ZBTB20: variants seen among roughly 807,000 people sequenced by gnomAD.
The protein encoded by ZBTB20 is zinc finger and BTB domain containing 20.
Under a neutral mutation model 56.9 loss-of-function variants are expected in ZBTB20, and 9 were observed. The ratio of observed to expected loss-of-function variants is 0.16; its 90% confidence interval spans 0.10 to 0.28. ZBTB20 has a LOEUF of 0.28. Ranked by LOEUF, ZBTB20 falls within the 10% of genes least tolerant of loss-of-function variation. The pLI is 1.00. For synonymous variants in ZBTB20, 417 were observed against 420.7 expected (o/e 0.99, Z 0.11); for missense variants, 655 against 1,003.0 (o/e 0.65, Z 4.69).
intron 2 of ZBTB20, among the ~76,000 whole-genome samples, chr3:115,011,119 A>T (rs2079686061): frequency 6.6e-6 from 1 of 151,902 alleles, no homozygotes; most frequent in Admixed American, 6.6e-5. Context: ...AGACAAAAGA[A>T]AAAAGAATAA....
intron 1 of ZBTB20, among the ~76,000 whole-genome samples, chr3:115,113,294 CTT>C (rs2108630882): frequency 1.3e-5 from 2 of 152,294 alleles, no homozygotes; most frequent in East Asian, 3.9e-4. Context: ...TTATGTGTCT[CTT>C]GACTTCGATT....
At position 115,051,492 on chromosome 3, in the gene ZBTB20, T is replaced by C. The variant is rs564257726; in HGVS notation, c.-507+19727A>G. On this transcript the variant is annotated intron_variant, in intron 2 of 11. Coordinates refer to ENST00000675478, the MANE Select transcript of ZBTB20 (RefSeq NM_001348800.3). ...GGGACCAGGATTAATATTAAGAGGTTCTTTTTTAAATGAATACATAGGTAT... is the reference window on the plus strand; with the variant it reads ...GGGACCAGGATTAATATTAAGAGGTCCTTTTTTAAATGAATACATAGGTAT... Among the ~76,000 whole-genome samples, 389 of 152,244 alleles carry C rather than the reference T, an allele frequency of 2.6e-3. 2 individuals carry two copies. The highest frequency in any genetic ancestry group is 9.2e-3 in the African/African-American group (381 of 41,552).
chr3:114,360,358 T>TTTGAGAC (rs1383097873), intron 10 of ZBTB20, among the ~76,000 whole-genome samples: 3 of 150,562 alleles, frequency 2.0e-5, no homozygotes, highest in African/African-American at 4.9e-5. Context: ...TTTTTTTTTT[T>TTTGAGAC]TTTGAGACGG....
intron 4 of ZBTB20, chr3:114,876,236 G>A (rs1367179319): frequency 6.6e-6 from 1 of 151,340 alleles, no homozygotes; most frequent in African/African-American, 2.4e-5. Context: ...CTCATCACTT[G>A]AGCAGTATAC....
intron 4 of ZBTB20, among the ~76,000 whole-genome samples, chr3:114,878,127 T>G (rs557089454): frequency 3.0e-4 from 45 of 152,272 alleles, no homozygotes; most frequent in South Asian, 1.2e-3. Flanking sequence ...GGGGTCCAAG[T>G]TCCCTGAATC....
At chr3:114,953,001 T>C (rs560501093) in intron 3 of ZBTB20, among the ~76,000 whole-genome samples, 1 of 152,192 alleles carries the variant, frequency 6.6e-6, no homozygotes, top group Non-Finnish European at 1.5e-5. Flanking sequence ...TGTTTGACAA[T>C]TTAATGCAAA....
chr3:114,880,238 A>T (rs912374323), intron 4 of ZBTB20, among the ~76,000 whole-genome samples: 1 of 152,228 alleles, frequency 6.6e-6, no homozygotes, highest in Non-Finnish European at 1.5e-5. Context: ...AACTGTGCCA[A>T]GTTAGCACGC....
rs901382619 is a variant in ZBTB20 at position 115,079,911 on chromosome 3, G to A, written c.-702-8497C>T. Among the ~76,000 whole-genome samples the A allele has an allele frequency of 4.6e-5, 7 of 152,066 alleles. No individual in the cohort carries two copies. The East Asian group carries it at 1.3e-3, about 29-fold the overall frequency. On this transcript the variant is annotated intron_variant, in intron 1 of 11. Transcript: ENST00000675478. ...AAATAGAGTGCCTACAATGTGCTGGGGAAAATATTAGGTGTTTACGATATG... is the reference window on the plus strand; with the variant it reads ...AAATAGAGTGCCTACAATGTGCTGGAGAAAATATTAGGTGTTTACGATATG...
At chr3:114,948,002 T>C (rs1330443474) in intron 3 of ZBTB20, among the ~76,000 whole-genome samples, 1 of 145,426 alleles carries the variant, frequency 6.9e-6, no homozygotes, top group Non-Finnish European at 1.5e-5. Flanking sequence ...ACAAGAACAT[T>C]AAGAGAAGGT....
chr3:114,853,804 T>C (rs1173686460), intron 4 of ZBTB20, among the ~76,000 whole-genome samples: 1 of 152,210 alleles, frequency 6.6e-6, no homozygotes, highest in East Asian at 1.9e-4. Context: ...GGACCCCAAT[T>C]AGTATCTGTA....
At chr3:114,798,131 C>G (rs988876226) in intron 5 of ZBTB20, among the ~76,000 whole-genome samples, 1 of 151,574 alleles carries the variant, frequency 6.6e-6, no homozygotes, top group African/African-American at 2.4e-5. Flanking sequence ...TCGTACACAC[C>G]CTTGGGAAGT....
rs5851937 is a variant in ZBTB20 at position 114,798,349 on chromosome 3, CA to C, written c.-343+2751del. Among the ~76,000 whole-genome samples, 318 of 39,986 alleles carry C rather than the reference CA, an allele frequency of 8.0e-3. 1 individual carries two copies. The highest frequency in any genetic ancestry group is 0.011 in the African/African-American group (284 of 25,630). 26.2% of individuals were successfully genotyped at this position (39,986 alleles called of 152,430 possible). A position where few individuals can be genotyped will look rare whatever the true frequency, so the allele number is the denominator to read the frequency against. On this transcript the variant is annotated intron_variant, in intron 5 of 11. Coordinates refer to ENST00000675478, the MANE Select transcript of ZBTB20 (RefSeq NM_001348800.3). ...GGAACAAAATTAAAAAACAAAAAAACAAAAAAAAACACACAAAAAAACCTCT... is the reference window on the plus strand; with the variant it reads ...GGAACAAAATTAAAAAACAAAAAAACAAAAAAAACACACAAAAAAACCTCT...
intron 11 of ZBTB20, among the ~76,000 whole-genome samples, chr3:114,342,951 G>A (rs573033168): frequency 2.0e-5 from 3 of 152,254 alleles, no homozygotes; most frequent in South Asian, 2.1e-4. Context: ...TAGGAAACCC[G>A]TGACTGAGCA....
chr3:115,094,273 T>C (rs952198944), intron 1 of ZBTB20, among the ~76,000 whole-genome samples: 2 of 151,918 alleles, frequency 1.3e-5, no homozygotes, highest in African/African-American at 2.4e-5. Context: ...AACCAGAGTA[T>C]ATTTATTGGG....
chr3:114,717,775 A>G (rs2064595397), intron 5 of ZBTB20, among the ~76,000 whole-genome samples: 2 of 152,048 alleles, frequency 1.3e-5, no homozygotes, highest in Admixed American at 6.6e-5. Flanking sequence ...CCACTCTACC[A>G]TATCTACTGT....
At chr3:114,944,131 C>T (rs2076811066) in intron 3 of ZBTB20, among the ~76,000 whole-genome samples, 1 of 145,368 alleles carries the variant, frequency 6.9e-6, no homozygotes. Context: ...ACCCAAACAA[C>T]AGCAAAAAAC....
At chr3:114,494,825 C>T (rs1017330045) in intron 7 of ZBTB20, among the ~76,000 whole-genome samples, 1 of 152,214 alleles carries the variant, frequency 6.6e-6, no homozygotes, top group Non-Finnish European at 1.5e-5. Context: ...AATTTTGGTT[C>T]CCTAGCTATC....
At chr3:114,896,837 GA>G (rs2074902910) in intron 4 of ZBTB20, among the ~76,000 whole-genome samples, 1 of 152,196 alleles carries the variant, frequency 6.6e-6, no homozygotes, top group Non-Finnish European at 1.5e-5. Context: ...AGGTCTTTTA[GA>G]TTCAGTACAT....
At chr3:115,147,120 C>T (rs980823711) in intron 1 of ZBTB20, 99 bp downstream of exon 1, 85 of 147,412 alleles carry the variant, frequency 5.8e-4, no homozygotes, top group African/African-American at 1.8e-3. Flanking sequence ...CGCCGCCCCC[C>T]ACTCCAGGCG....
Sources: allele counts gnomAD v4.1 joint callset (sites outside exome capture counted in the v4.1 genomes callset), GRCh38; gene constraint gnomAD v4.1.1; transcripts MANE v1.5; gene names NCBI Gene and HGNC (gene_info 2026-07-23, HGNC 2026-07-21).